The following PLCXD3 variants were observed in gnomAD, a reference collection of about 807,000 sequenced individuals.
PLCXD3 encodes the protein PI-PLC X domain-containing protein 3.
Under a neutral mutation model 25.5 loss-of-function variants are expected in PLCXD3, and 19 were observed. That is an observed-to-expected ratio of 0.75 (90% CI 0.52 to 1.09). PLCXD3 has a LOEUF of 1.09. PLCXD3 is among the 50% of genes least tolerant of loss of function. The pLI is 0.00. For synonymous variants in PLCXD3, 174 were observed against 137.6 expected (o/e 1.26, Z -1.85); for missense variants, 411 against 388.1 (o/e 1.06, Z -0.50).
In PLCXD3 at chr5:41,381,808, C is replaced by T; in HGVS notation, c.812+18G>A. ...TAAATTATTTGAGGTTTCCCCCTGACATTTTAAAGACACTTACCTTTCTGT... is the reference window on the plus strand; with the variant it reads ...TAAATTATTTGAGGTTTCCCCCTGATATTTTAAAGACACTTACCTTTCTGT... On this transcript the variant is annotated intron_variant, in intron 2 of 2. Coordinates refer to ENST00000377801, the MANE Select transcript of PLCXD3 (RefSeq NM_001005473.3). 1.9e-6 allele frequency: 3 copies of T among 1,572,658 alleles called. No individual in the cohort carries two copies. The highest frequency in any genetic ancestry group is 2.6e-6 in the Non-Finnish European group (3 of 1,159,694).
At chr5:41,498,614 A>G (rs1286380392) in intron 1 of PLCXD3, among the ~76,000 whole-genome samples, 1 of 151,780 alleles carries the variant, frequency 6.6e-6, no homozygotes, top group African/African-American at 2.4e-5. Flanking sequence ...CACTCTTCCA[A>G]AAAAACTGAA....
At chr5:41,350,205 A>AT (rs1744413777) in intron 2 of PLCXD3, among the ~76,000 whole-genome samples, 1 of 151,982 alleles carries the variant, frequency 6.6e-6, no homozygotes. Context: ...CAGTTGTTTC[A>AT]TTTTTTAAAT....
At chr5:41,334,239 G>T (rs1178103270) in intron 2 of PLCXD3, among the ~76,000 whole-genome samples, 3 of 151,450 alleles carry the variant, frequency 2.0e-5, no homozygotes, top group Non-Finnish European at 4.4e-5. Flanking sequence ...CCATTTGTAA[G>T]ATTAGCAATG....
At chr5:41,356,835 G>T (rs1744633306) in intron 2 of PLCXD3, among the ~76,000 whole-genome samples, 1 of 152,180 alleles carries the variant, frequency 6.6e-6, no homozygotes, top group Non-Finnish European at 1.5e-5. Flanking sequence ...CCCTCCTGGA[G>T]GGCTGCATGT....
intron 1 of PLCXD3, among the ~76,000 whole-genome samples, chr5:41,506,534 A>G (rs1359622390): frequency 1.3e-5 from 2 of 152,192 alleles, no homozygotes; most frequent in Non-Finnish European, 2.9e-5. Context: ...AATTTGCACA[A>G]TTAGACCCAG....
chr5:41,495,197 GA>G (rs1426819065), intron 1 of PLCXD3, among the ~76,000 whole-genome samples: 2 of 152,250 alleles, frequency 1.3e-5, no homozygotes, highest in African/African-American at 2.4e-5. Flanking sequence ...CGTAGGGAGA[GA>G]AAGAGGAGAC....
intron 2 of PLCXD3, among the ~76,000 whole-genome samples, chr5:41,370,955 C>T (rs1745076902): frequency 6.6e-6 from 1 of 152,152 alleles, no homozygotes; most frequent in Admixed American, 6.5e-5. Flanking sequence ...GACCCCTTCT[C>T]TCCATCATCT....
chr5:41,367,491 GT>G (rs1744970731), intron 2 of PLCXD3, among the ~76,000 whole-genome samples: 2 of 151,938 alleles, frequency 1.3e-5, no homozygotes, highest in Admixed American at 1.3e-4. Context: ...TAATGGGGTT[GT>G]TTTTTTCTTG....
At position 41,493,525 on chromosome 5, in the gene PLCXD3, T is replaced by C. The variant is rs559132395; in HGVS notation, c.103+16899A>G. 2.0e-3 allele frequency among the ~76,000 whole-genome samples: 308 copies of C among 152,274 alleles called. 1 individual carries two copies. Among genetic ancestry groups the C allele is most frequent in the Admixed American group, 4.7e-3 (72 of 15,296 alleles). ...TGCTGTCTTTTTGTTTGTCTGTGCC[T>C]TGCCCCCAGAGGTGGAGCCTGCAGA... On this transcript the variant is annotated intron_variant, in intron 1 of 2. Transcript: ENST00000377801.
intron 1 of PLCXD3, among the ~76,000 whole-genome samples, chr5:41,457,314 T>C (rs1451539361): frequency 1.3e-5 from 2 of 151,918 alleles, no homozygotes; most frequent in South Asian, 2.1e-4. Context: ...ACAACCATGA[T>C]AGTAGCCTAC....
intron 1 of PLCXD3, chr5:41,475,543 C>A (rs533995853): frequency 2.0e-6 from 1 of 512,690 alleles, no homozygotes; most frequent in African/African-American, 2.0e-5. Context: ...TTTATCTCTA[C>A]TTATTTCTAT....
At chr5:41,419,515 A>T (rs1034464177) in intron 1 of PLCXD3, among the ~76,000 whole-genome samples, 2 of 152,222 alleles carry the variant, frequency 1.3e-5, no homozygotes, top group Non-Finnish European at 2.9e-5. Context: ...TTGGGAAAAC[A>T]GTAGATAGTA....
chr5:41,362,913 CT>C (rs1744829052), intron 2 of PLCXD3, among the ~76,000 whole-genome samples: 1 of 152,222 alleles, frequency 6.6e-6, no homozygotes. Flanking sequence ...ACTTTGGCAT[CT>C]CTTCCTGTTT....
chr5:41,404,688 T>G (rs1387120687), intron 1 of PLCXD3, among the ~76,000 whole-genome samples: 2 of 152,204 alleles, frequency 1.3e-5, no homozygotes, highest in Non-Finnish European at 2.9e-5. Flanking sequence ...CTCCATTTAA[T>G]ATCTTTCCAG....
intron 1 of PLCXD3, among the ~76,000 whole-genome samples, chr5:41,480,818 G>T (rs1402644180): frequency 6.6e-6 from 1 of 152,060 alleles, no homozygotes; most frequent in Non-Finnish European, 1.5e-5. Context: ...CTACTCAGGA[G>T]GCTGAGGCTT....
chr5:41,365,721 T>C (rs931129255), intron 2 of PLCXD3, among the ~76,000 whole-genome samples: 1 of 152,150 alleles, frequency 6.6e-6, no homozygotes, highest in Non-Finnish European at 1.5e-5. Flanking sequence ...ATAAATACCA[T>C]CCTAGTATCA....
At chr5:41,364,498 G>A (rs1269106504) in intron 2 of PLCXD3, among the ~76,000 whole-genome samples, 1 of 152,140 alleles carries the variant, frequency 6.6e-6, no homozygotes, top group African/African-American at 2.4e-5. Context: ...AGGTTGCCTG[G>A]AGATGGGTTT....
intron 1 of PLCXD3, among the ~76,000 whole-genome samples, chr5:41,425,141 G>T (rs2150507045): frequency 6.6e-6 from 1 of 152,104 alleles, no homozygotes; most frequent in Non-Finnish European, 1.5e-5. Context: ...TTGTTATAAT[G>T]CTTTTTGCAT....
rs574755193 is a variant in PLCXD3 at position 41,330,751 on chromosome 5, T to C, written c.813-16981A>G. Among the ~76,000 whole-genome samples the C allele has an allele frequency of 3.7e-4, 56 of 152,264 alleles. No individual in the cohort carries two copies. The East Asian group carries it at 6.8e-3, about 18-fold the overall frequency. On this transcript the variant is annotated intron_variant, in intron 2 of 2. Coordinates refer to ENST00000377801, the MANE Select transcript of PLCXD3 (RefSeq NM_001005473.3). ...ACATCAAAAAGCTTATCCACCATGA[T>C]GAAGTGGGCTTCATCCCTGGGATGC...
Sources: allele counts gnomAD v4.1 joint callset (sites outside exome capture counted in the v4.1 genomes callset), GRCh38; gene constraint gnomAD v4.1.1; transcripts MANE v1.5; gene names NCBI Gene and HGNC (gene_info 2026-07-23, HGNC 2026-07-21).